DNAH3: variants seen among roughly 807,000 people sequenced by gnomAD.
The protein encoded by DNAH3 is dynein axonemal heavy chain 3, also known as axonemal beta dynein heavy chain 3.
A neutral mutation model predicts 432.5 loss-of-function variants in DNAH3; 332 were observed. The ratio of observed to expected loss-of-function variants is 0.77; its 90% CI spans 0.70 to 0.84. The LOEUF (loss-of-function observed/expected upper bound fraction) is 0.84, where lower values mean the gene tolerates loss of function less well. Among genes scored for constraint, DNAH3 ranks in the 40% least tolerant of loss-of-function variants. The pLI is 0.00. For synonymous variants in DNAH3, 1,956 were observed against 1,900.2 expected (o/e 1.03, Z -0.76); for missense variants, 4,861 against 5,114.0 (o/e 0.95, Z 1.51).
At chr16:20,966,730 G>C (rs965939582) in intron 52 of DNAH3, among the ~76,000 whole-genome samples, 2 of 152,128 alleles carry the variant, frequency 1.3e-5, no homozygotes, top group Admixed American at 1.3e-4. Flanking sequence ...GATGAGTTTC[G>C]AATATCCTTC....
Position 21,051,670 on chromosome 16 carries a change from CT to C in DNAH3, c.4237del (p.Arg1413GlyfsTer3). 3 of 1,612,840 alleles carry C rather than the reference CT, an allele frequency of 1.9e-6. No homozygotes were observed. The highest frequency in any genetic ancestry group is 2.5e-6 in the Non-Finnish European group (3 of 1,180,014). On this transcript the variant is annotated frameshift_variant and splice_region_variant, in exon 29 of 62. Coordinates refer to ENST00000261383, the Ensembl canonical transcript of DNAH3. LOFTEE classifies it high-confidence loss of function. Reference sequence around the variant, plus strand: ...CAGATCTAGGAGCTCCAGAGTGTACCTGTAGCAGCGGTCGGTGAGGGGTGTG... The same window carrying C: ...CAGATCTAGGAGCTCCAGAGTGTACCGTAGCAGCGGTCGGTGAGGGGTGTG...
At chr16:21,092,240 A>G (rs1329613167) in intron 18 of DNAH3, among the ~76,000 whole-genome samples, 3 of 152,214 alleles carry the variant, frequency 2.0e-5, no homozygotes, top group African/African-American at 7.2e-5. Flanking sequence ...GTAATCAAAA[A>G]AGCGTGGTAT....
intron 44 of DNAH3, among the ~76,000 whole-genome samples, 164 bp from the exon 45 acceptor site, chr16:20,988,229 AAATT>A (rs1306303903): frequency 6.6e-6 from 1 of 152,088 alleles, no homozygotes; most frequent in African/African-American, 2.4e-5. Context: ...ATTTAAACTT[AAATT>A]AATTAATATT....
rs566154299 is a variant in DNAH3 at position 20,961,512 on chromosome 16, TAAAA to T, written c.10600+1768_10600+1771del. On this transcript the variant is annotated intron_variant, in intron 53 of 61. Transcript: ENST00000261383. ...AGTATAATAATAAAAAATAAATGAA[TAAAA>T]AAATAAAATAAAATAAAATAAAATA... 7.4e-3 allele frequency among the ~76,000 whole-genome samples: 1,092 copies of T among 147,182 alleles called. 16 individuals are homozygous for T. Among genetic ancestry groups the T allele is most frequent in the African/African-American group, 0.027 (1,058 of 39,674 alleles).
intron 56 of DNAH3, 40 bp downstream of exon 56, chr16:20,952,393 T>C (rs1490510336): frequency 1.6e-6 from 2 of 1,222,004 alleles, no homozygotes; most frequent in East Asian, 2.3e-5. Context: ...TGGAACATGA[T>C]ACTGGAGGTT....
chr16:21,053,201 A>C (rs780358277), intron 28 of DNAH3, among the ~76,000 whole-genome samples: 11 of 152,118 alleles, frequency 7.2e-5, no homozygotes, highest in Non-Finnish European at 1.3e-4. Flanking sequence ...TCTTTATTAC[A>C]GTAAAATAAA....
chr16:21,005,858 A>G (rs112327455), intron 41 of DNAH3, among the ~76,000 whole-genome samples: 2,343 of 117,710 alleles, frequency 0.02, 63 homozygotes, highest in African/African-American at 0.073. Flanking sequence ...TTTTTTTTGC[A>G]TTTTAAATTG....
chr16:20,985,007 C>T (rs2086119018), intron 48 of DNAH3, 42 bp downstream of exon 48: 3 of 1,524,240 alleles, frequency 2.0e-6, no homozygotes, highest in Non-Finnish European at 2.7e-6. Flanking sequence ...GACCCCAAAA[C>T]ACCCAGAAGA....
intron 23 of DNAH3, among the ~76,000 whole-genome samples, chr16:21,068,854 T>G (rs1041916158): frequency 6.6e-6 from 1 of 152,120 alleles, no homozygotes; most frequent in Non-Finnish European, 1.5e-5. Context: ...AAACTGCCTA[T>G]AGTTACTGCT....
intron 25 of DNAH3, among the ~76,000 whole-genome samples, chr16:21,061,004 A>C (rs980318315): frequency 6.6e-6 from 1 of 150,952 alleles, no homozygotes; most frequent in Non-Finnish European, 1.5e-5. Flanking sequence ...TGCCCGGCTA[A>C]CTTTTAAATT....
chr16:21,002,116 C>G (rs1414801733), intron 42 of DNAH3, among the ~76,000 whole-genome samples: 1 of 152,100 alleles, frequency 6.6e-6, no homozygotes, highest in Non-Finnish European at 1.5e-5. Context: ...CAGCTGTGGT[C>G]CTGCGTGGTG....
chr16:21,104,568 G>C (rs747335681), intron 15 of DNAH3: 61 of 1,611,540 alleles, frequency 3.8e-5, no homozygotes, highest in Non-Finnish European at 4.2e-5. Flanking sequence ...CAGAGGAACA[G>C]AGTGCTGTTC....
intron 21 of DNAH3, among the ~76,000 whole-genome samples, chr16:21,073,046 G>T (rs552071739): frequency 6.6e-6 from 1 of 152,132 alleles, no homozygotes; most frequent in African/African-American, 2.4e-5. Context: ...GGCCCTGTGG[G>T]TGGCACTTTT....
chr16:21,060,514 CTTTT>C (rs369321873), intron 25 of DNAH3, among the ~76,000 whole-genome samples, 158 bp from the exon 26 acceptor site: 1 of 127,290 alleles, frequency 7.9e-6, no homozygotes, highest in African/African-American at 2.8e-5. Context: ...TTCTTTTTTT[CTTTT>C]TTTTTTTCTT....
rs1051972150 is a variant in DNAH3, at chr16:21,159,192, C to T, written c.117+133G>A. 1.1e-5 allele frequency: 10 copies of T among 902,698 alleles called. No homozygotes were observed. The African/African-American group carries it at 1.3e-4, about 12-fold the overall frequency. 55.9% of individuals were successfully genotyped at this position (902,698 alleles called of 1,614,324 possible). On this transcript the variant is annotated intron_variant, in intron 1 of 61. Transcript: ENST00000261383. ...TCTTCTCCACCGAGGTCCCCTTCCC[C>T]ATCGCTGCAGAGAGATCTGCAAGTA... is the stretch of plus-strand genomic sequence containing the variant.
intron 18 of DNAH3, among the ~76,000 whole-genome samples, chr16:21,088,258 G>A (rs977128691): frequency 1.3e-5 from 2 of 152,182 alleles, no homozygotes; most frequent in African/African-American, 2.4e-5. Context: ...GGCTAGAATA[G>A]AAAGGCACCT....
intron 39 of DNAH3, among the ~76,000 whole-genome samples, chr16:21,023,920 A>G (rs1461615851): frequency 6.6e-6 from 1 of 152,068 alleles, no homozygotes; most frequent in African/African-American, 2.4e-5. Flanking sequence ...ATAATCTCCC[A>G]AAGAGTTTCC....
At chr16:20,994,168 G>C (rs898417688) in intron 44 of DNAH3, among the ~76,000 whole-genome samples, 2 of 151,960 alleles carry the variant, frequency 1.3e-5, no homozygotes, top group South Asian at 4.2e-4. Context: ...AGTGGCTCAC[G>C]CCTGTAATCC....
At chr16:20,990,890 G>A (rs1391162166) in intron 44 of DNAH3, among the ~76,000 whole-genome samples, 3 of 151,964 alleles carry the variant, frequency 2.0e-5, no homozygotes, top group Admixed American at 6.6e-5. Flanking sequence ...GCGTGGTAGC[G>A]GGCACCTGTA....
Sources: allele counts gnomAD v4.1 joint callset (sites outside exome capture counted in the v4.1 genomes callset), GRCh38; gene constraint gnomAD v4.1.1; transcripts MANE v1.5; gene names NCBI Gene and HGNC (gene_info 2026-07-23, HGNC 2026-07-21).